The following TPM3 variants were observed in gnomAD, a reference collection of about 807,000 sequenced individuals.
The protein encoded by TPM3 is tropomyosin alpha-3 chain.
A neutral mutation model predicts 43.1 loss-of-function variants in TPM3; 16 were observed. The observed-to-expected ratio is 0.37, with a 90% CI of 0.25 to 0.56. The LOEUF is 0.56. Among genes scored for constraint, TPM3 ranks in the 20% least tolerant of loss-of-function variants. The probability of loss-of-function intolerance (pLI) is 0.77; values close to 1 mark genes in which losing one functional copy is unlikely to be tolerated. For synonymous variants in TPM3, 101 were observed against 116.9 expected (o/e 0.86, Z 0.88); for missense variants, 176 against 337.2 (o/e 0.52, Z 3.74).
At chr1:154,185,139 C>T (rs1466074971) in intron 2 of TPM3, among the ~76,000 whole-genome samples, 2 of 150,526 alleles carry the variant, frequency 1.3e-5, no homozygotes, top group East Asian at 2.0e-4. Flanking sequence ...TGGGAGGCCA[C>T]GGCGGGCAGA....
At chr1:154,187,255 G>A (rs1663449604) in intron 2 of TPM3, 1 of 920,568 alleles carries the variant, frequency 1.1e-6, no homozygotes, top group Non-Finnish European at 1.3e-6. Context: ...GAATGAGCAT[G>A]ACTGTGTTCC....
chr1:154,189,225 G>A lies in TPM3; in HGVS notation c.243+1961C>T, dbSNP rs186775623. Among the ~76,000 whole-genome samples the A allele has an allele frequency of 1.2e-4, 17 of 141,012 alleles. No homozygotes were observed. The East Asian group carries it at 3.3e-3, about 27-fold the overall frequency. 92.5% of individuals were successfully genotyped at this position (141,012 alleles called of 152,430 possible). A position where few individuals can be genotyped will look rare whatever the true frequency, so the allele number is the denominator to read the frequency against. ...AGGCTGGGCGCAGTGGCTCACGCCT[G>A]TAATCCCAGTACTTTGGGACACTGA... is the stretch of plus-strand genomic sequence containing the variant. On this transcript the variant is annotated intron_variant, in intron 2 of 9. Transcript: ENST00000651641.
downstream of TPM3, among the ~76,000 whole-genome samples, chr1:154,160,449 C>T (rs1660232449): frequency 6.6e-6 from 1 of 152,110 alleles, no homozygotes; most frequent in Non-Finnish European, 1.5e-5. Context: ...ACTATCAAAA[C>T]AGAAAGCATA....
downstream of TPM3, among the ~76,000 whole-genome samples, chr1:154,161,726 C>T (rs913223529): frequency 2.0e-5 from 3 of 152,002 alleles, no homozygotes; most frequent in African/African-American, 4.8e-5. Flanking sequence ...CATGAGCCAC[C>T]GCACCCAGCC....
At chr1:154,188,546 G>C (rs1247658064) in intron 2 of TPM3, among the ~76,000 whole-genome samples, 2 of 150,952 alleles carry the variant, frequency 1.3e-5, no homozygotes, top group Non-Finnish European at 2.9e-5. Context: ...GCGGTGGCGG[G>C]CACCTGTAGT....
At chr1:154,170,771 C>A in intron 6 of TPM3, 60 bp from the exon 7 acceptor site, 1 of 1,113,894 alleles carries the variant, frequency 9.0e-7, no homozygotes, top group Non-Finnish European at 1.4e-6. Context: ...GCAATACCCC[C>A]CTCCCTACAT....
chr1:154,170,904 T>A, intron 6 of TPM3, 193 bp from the exon 7 acceptor site: 1 of 605,870 alleles, frequency 1.7e-6, no homozygotes, highest in East Asian at 2.8e-5. Flanking sequence ...AGCCATGAGA[T>A]CCTCAGGTTA....
At chr1:154,175,475 C>T (rs1055403354) in intron 3 of TPM3, among the ~76,000 whole-genome samples, 3 of 152,238 alleles carry the variant, frequency 2.0e-5, no homozygotes, top group Non-Finnish European at 2.9e-5. Flanking sequence ...CTCACCCCTA[C>T]CTATGATTCT....
chr1:154,178,363 C>T (rs1662575354), intron 2 of TPM3: 1 of 175,076 alleles, frequency 5.7e-6, no homozygotes, highest in Non-Finnish European at 1.1e-5. Flanking sequence ...AGAGCATGCA[C>T]ACATGAACAA....
rs990130543 is a variant in TPM3, at chr1:154,163,186, T to C, written c.*4751A>G. 6.6e-6 allele frequency among the ~76,000 whole-genome samples: 1 copy of C among 152,164 alleles called. No individual in the cohort carries two copies. Among genetic ancestry groups the C allele is most frequent in the Non-Finnish European group, 1.5e-5 (1 of 68,018 alleles). Reference sequence around the variant, plus strand: ...CAGGATCTGAATATTTAGAAATGCATTGTCCAATATAATAGCCACTAGCCA... The same window carrying C: ...CAGGATCTGAATATTTAGAAATGCACTGTCCAATATAATAGCCACTAGCCA... On this transcript the variant is annotated 3_prime_UTR_variant, in exon 10 of 10. Coordinates refer to ENST00000651641, the MANE Select transcript of TPM3 (RefSeq NM_152263.4).
chr1:154,177,439 T>C (rs1419483879), intron 2 of TPM3, among the ~76,000 whole-genome samples: 2 of 152,108 alleles, frequency 1.3e-5, no homozygotes, highest in Non-Finnish European at 2.9e-5. Context: ...CTGGATGGGT[T>C]TTCTCTAAGA....
In TPM3 at chr1:154,167,696, T is replaced by C. The variant is rs761579860; in HGVS notation, c.*241A>G. On this transcript the variant is annotated 3_prime_UTR_variant, in exon 10 of 10. Coordinates refer to ENST00000651641, the MANE Select transcript of TPM3 (RefSeq NM_152263.4). The stretch of plus-strand genomic sequence containing the variant: ...CACATCACACCCCCAAGGCTCCTTC[T>C]TAGGGACAGCAACAGCTTTGTCAAT... The C allele has an allele frequency of 4.8e-5, 67 of 1,383,136 alleles. No individual in the cohort carries two copies. Among genetic ancestry groups the C allele is most frequent in the Non-Finnish European group, 6.0e-5 (64 of 1,061,634 alleles). The allele number at this position is 1,383,136 out of a possible 1,614,324, so 85.7% of individuals were successfully genotyped here.
chr1:154,166,571 A>G lies in TPM3; in HGVS notation c.*1366T>C, dbSNP rs1307396950. 9.5e-7 allele frequency: 1 copy of G among 1,054,624 alleles called. No homozygotes were observed. 65.3% of individuals were successfully genotyped at this position (1,054,624 alleles called of 1,614,324 possible). On this transcript the variant is annotated 3_prime_UTR_variant, in exon 10 of 10. Coordinates refer to ENST00000651641, the MANE Select transcript of TPM3 (RefSeq NM_152263.4). ...CAGCTAAAAGAAAAGCAAATTTTAA[A>G]TACATACCCTGCTGGGAAACTAAAG...
In TPM3 at chr1:154,163,869, G is replaced by C. The variant is rs1423060549; in HGVS notation, c.*4068C>G. 6.6e-6 allele frequency among the ~76,000 whole-genome samples: 1 copy of C among 152,000 alleles called. No individual in the cohort carries two copies. Among genetic ancestry groups the C allele is most frequent in the Non-Finnish European group, 1.5e-5 (1 of 67,986 alleles). On this transcript the variant is annotated 3_prime_UTR_variant, in exon 10 of 10. Coordinates refer to ENST00000651641, the MANE Select transcript of TPM3 (RefSeq NM_152263.4). ...AGGATGGTCTTGATCTCCTGACCTC[G>C]TGATCCGCCCACCTCGGCCTCCCAA...
intron 2 of TPM3, among the ~76,000 whole-genome samples, chr1:154,187,649 C>T (rs1663465798): frequency 6.6e-6 from 1 of 151,510 alleles, no homozygotes; most frequent in South Asian, 2.1e-4. Flanking sequence ...GAATTCATCC[C>T]CAGGAAATCC....
chr1:154,156,403 A>T (rs1659811830), downstream of TPM3: 1 of 187,726 alleles, frequency 5.3e-6, no homozygotes, highest in South Asian at 2.0e-4. Context: ...GACACTTGTC[A>T]ATATTCAGTA....
intron 3 of TPM3, among the ~76,000 whole-genome samples, chr1:154,175,516 T>C (rs1278352480): frequency 2.0e-5 from 3 of 152,126 alleles, no homozygotes; most frequent in Non-Finnish European, 2.9e-5. Context: ...GAAGGCTTAC[T>C]AAAAACAGAT....
rs149999230 is a variant in TPM3, at chr1:154,173,403, G to A, written c.378-202C>T. ...GTTATGGCTGGGCACAGTGGCTCAC[G>A]CCTATAACCCCAGCACTTTGGGAGG... On this transcript the variant is annotated intron_variant, in intron 3 of 9. Coordinates refer to ENST00000651641, the MANE Select transcript of TPM3 (RefSeq NM_152263.4). Among the ~76,000 whole-genome samples the A allele has an allele frequency of 6.9e-3, 1,046 of 152,278 alleles. 15 individuals carry two copies. The highest frequency in any genetic ancestry group is 0.024 in the African/African-American group (992 of 41,562).
intron 1 of TPM3, chr1:154,191,569 G>A: frequency 7.5e-7 from 1 of 1,341,226 alleles, no homozygotes; most frequent in Non-Finnish European, 9.8e-7. Flanking sequence ...TATCTAAAGT[G>A]TAGATGCCCG....
Sources: gnomAD v4.1 joint callset for allele counts (sites outside exome capture counted in the v4.1 genomes callset) on GRCh38, gnomAD v4.1.1 for gene constraint, MANE v1.5 for transcripts, NCBI Gene and HGNC (gene_info 2026-07-23, HGNC 2026-07-21) for gene names.